The following LRP1B variants were observed in gnomAD, a reference collection of about 807,000 sequenced individuals.
The protein encoded by LRP1B is low-density lipoprotein receptor-related protein 1B.
Under a neutral mutation model 556.6 loss-of-function variants are expected in LRP1B, and 217 were observed. The ratio of observed to expected loss-of-function variants is 0.39; its 90% CI spans 0.35 to 0.44. The LOEUF (loss-of-function observed/expected upper bound fraction) is 0.44, where lower values mean the gene tolerates loss of function less well. LRP1B is among the 20% of genes least tolerant of loss of function. The pLI is 1.00. For missense variants in LRP1B, 5,053 were observed against 5,620.8 expected (o/e 0.90, Z 3.23); for synonymous variants, 2,047 against 1,865.8 (o/e 1.10, Z -2.50).
intron 11 of LRP1B, among the ~76,000 whole-genome samples, chr2:141,020,811 G>C (rs74326030): frequency 1.3e-5 from 2 of 151,958 alleles, no homozygotes; most frequent in South Asian, 4.2e-4. Context: ...TTTTATAAAG[G>C]GGGGGTAACT....
At chr2:140,294,768 G>A (rs918789394) in intron 84 of LRP1B, among the ~76,000 whole-genome samples, 1 of 152,192 alleles carries the variant, frequency 6.6e-6, no homozygotes, top group Non-Finnish European at 1.5e-5. Context: ...ATAAACACAC[G>A]TGAGTTAGTG....
intron 35 of LRP1B, among the ~76,000 whole-genome samples, chr2:140,748,945 T>C (rs956514667): frequency 7.4e-5 from 11 of 148,018 alleles, no homozygotes; most frequent in African/African-American, 2.8e-4. Flanking sequence ...TTATAAAATA[T>C]ACTTACACAA....
chr2:140,857,920 G>A (rs1692666897), intron 27 of LRP1B, among the ~76,000 whole-genome samples: 1 of 151,868 alleles, frequency 6.6e-6, no homozygotes. Context: ...CTCTGTTAAT[G>A]TCACTTGTTA....
At chr2:141,010,360 C>A (rs1313306372) in intron 14 of LRP1B, among the ~76,000 whole-genome samples, 3 of 151,958 alleles carry the variant, frequency 2.0e-5, no homozygotes, top group Admixed American at 6.6e-5. Flanking sequence ...ATACATTTTA[C>A]CAAAAGAAAT....
At chr2:142,023,139 A>G (rs187730721) in intron 1 of LRP1B, among the ~76,000 whole-genome samples, 173 of 152,120 alleles carry the variant, frequency 1.1e-3, no homozygotes, top group African/African-American at 3.9e-3. Context: ...CAACAACCTT[A>G]CCCTTACCCC....
At position 141,485,808 on chromosome 2, in the gene LRP1B, C is replaced by T. The variant is rs1444862995; in HGVS notation, c.206-5275G>A. Among the ~76,000 whole-genome samples, 3 of 152,024 alleles carry T rather than the reference C, an allele frequency of 2.0e-5. 1 individual carries two copies. Among genetic ancestry groups the T allele is most frequent in the Middle Eastern group, 6.3e-3 (2 of 316 alleles). On this transcript the variant is annotated intron_variant, in intron 2 of 90. Transcript: ENST00000389484. Reference sequence around the variant, plus strand: ...ATTCCTGAGAATATGGCAACGTTGCCTTAAATTAAATGATTAATCTCATGA... The same window carrying T: ...ATTCCTGAGAATATGGCAACGTTGCTTTAAATTAAATGATTAATCTCATGA...
At chr2:142,039,763 A>G (rs1297017802) in intron 1 of LRP1B, among the ~76,000 whole-genome samples, 2 of 151,544 alleles carry the variant, frequency 1.3e-5, no homozygotes, top group East Asian at 1.9e-4. Context: ...GTCATTCATC[A>G]TATTCACTAT....
In LRP1B at chr2:140,533,909, C is replaced by A. The variant is rs1401027809; in HGVS notation, c.7762+112G>T. On this transcript the variant is annotated intron_variant, in intron 47 of 90. Coordinates refer to ENST00000389484, the MANE Select transcript of LRP1B (RefSeq NM_018557.3). ...CAACAGCATTTACCAAAGTGTGATCCATAGATGTTACTAGGTGTTATATGC... is the reference window on the plus strand; with the variant it reads ...CAACAGCATTTACCAAAGTGTGATCAATAGATGTTACTAGGTGTTATATGC... 9.1e-6 allele frequency: 10 copies of A among 1,104,118 alleles called. No individual in the cohort carries two copies. In the East Asian group the frequency reaches 2.0e-4, roughly 22 times the overall value. The allele number at this position is 1,104,118 out of a possible 1,614,324, so 68.4% of individuals were successfully genotyped here.
chr2:140,582,873 G>A (rs1188375083), intron 43 of LRP1B, among the ~76,000 whole-genome samples: 1 of 152,092 alleles, frequency 6.6e-6, no homozygotes, highest in Non-Finnish European at 1.5e-5. Flanking sequence ...CAACCATTCA[G>A]CAGGCCCAAA....
intron 7 of LRP1B, among the ~76,000 whole-genome samples, chr2:141,096,260 T>C (rs917949203): frequency 6.6e-6 from 1 of 152,016 alleles, no homozygotes; most frequent in Non-Finnish European, 1.5e-5. Context: ...AAGAGTGTGC[T>C]TCTTCTTTTT....
intron 3 of LRP1B, among the ~76,000 whole-genome samples, chr2:141,334,212 G>T (rs78761895): frequency 0.032 from 4,830 of 152,254 alleles, 258 homozygotes; most frequent in African/African-American, 0.11. Flanking sequence ...AATCCTCAGT[G>T]TTGGACGTGG....
chr2:140,622,575 G>A (rs1425242603), intron 41 of LRP1B, among the ~76,000 whole-genome samples: 1 of 152,168 alleles, frequency 6.6e-6, no homozygotes, highest in African/African-American at 2.4e-5. Flanking sequence ...AACATCTGAG[G>A]AAATGCTTTA....
In LRP1B at chr2:141,321,493, GAA is replaced by G. The variant is rs529108096; in HGVS notation, c.344-66854_344-66853del. ...ATATGAGGTCCTTTTTTAACAGTATGAAAAATAGTTAATTGTTTCTCTTTGGT... is the reference window on the plus strand; with the variant it reads ...ATATGAGGTCCTTTTTTAACAGTATGAAATAGTTAATTGTTTCTCTTTGGT... On this transcript the variant is annotated intron_variant, in intron 3 of 90. Coordinates refer to ENST00000389484, the MANE Select transcript of LRP1B (RefSeq NM_018557.3). 1.4e-4 allele frequency among the ~76,000 whole-genome samples: 22 copies of G among 152,138 alleles called. No individual in the cohort carries two copies. In the East Asian group the frequency reaches 4.2e-3, roughly 29 times the overall value.
rs190199379 is a variant in LRP1B, at chr2:140,758,788, A to C, written c.5758+10425T>G. Among the ~76,000 whole-genome samples the C allele has an allele frequency of 2.0e-3, 299 of 152,216 alleles. 1 individual carries two copies. Among genetic ancestry groups the C allele is most frequent in the African/African-American group, 6.9e-3 (287 of 41,582 alleles). ...TAGGAGAGAGGAGTAAAGAAAAAAA[A>C]TTATAAGGCTATGGTCATATTTTAA... On this transcript the variant is annotated intron_variant, in intron 35 of 90. Coordinates refer to ENST00000389484, the MANE Select transcript of LRP1B (RefSeq NM_018557.3).
chr2:140,321,905 T>C (rs2105052824), intron 82 of LRP1B, 58 bp downstream of exon 82: 1 of 1,486,522 alleles, frequency 6.7e-7, no homozygotes, highest in East Asian at 2.3e-5. Context: ...TTTCACGAGG[T>C]GTGAAATTTT....
intron 77 of LRP1B, among the ~76,000 whole-genome samples, chr2:140,350,554 A>G (rs912678544): frequency 5.3e-5 from 8 of 152,072 alleles, no homozygotes; most frequent in Non-Finnish European, 8.8e-5. Flanking sequence ...TATGTCATTC[A>G]TTAGCATTCT....
chr2:140,782,674 G>T (rs998417019), intron 32 of LRP1B, among the ~76,000 whole-genome samples: 9 of 152,182 alleles, frequency 5.9e-5, no homozygotes, highest in Non-Finnish European at 1.3e-4. Context: ...TGTTAAATAT[G>T]TTAATATTGA....
intron 1 of LRP1B, among the ~76,000 whole-genome samples, chr2:141,860,665 A>G (rs1237576005): frequency 6.6e-6 from 1 of 152,212 alleles, no homozygotes; most frequent in Non-Finnish European, 1.5e-5. Context: ...AAGTAATTAG[A>G]TGGTAAAAAT....
At chr2:141,191,169 G>T (rs1434809776) in intron 6 of LRP1B, among the ~76,000 whole-genome samples, 2 of 151,840 alleles carry the variant, frequency 1.3e-5, no homozygotes, top group African/African-American at 4.8e-5. Flanking sequence ...AAATACTCAG[G>T]CTCAACCATC....
Sources: gnomAD v4.1 joint callset for allele counts (sites outside exome capture counted in the v4.1 genomes callset) on GRCh38, gnomAD v4.1.1 for gene constraint, MANE v1.5 for transcripts, NCBI Gene and HGNC (gene_info 2026-07-23, HGNC 2026-07-21) for gene names.